The following RTL4 variants were observed in gnomAD, a reference collection of about 807,000 sequenced individuals.
The protein encoded by RTL4 is retrotransposon Gag like 4, also known as retrotransposon Gag-like protein 4.
In RTL4, 4 loss-of-function variants were observed where a neutral mutation model predicts 5.3. The ratio of observed to expected loss-of-function variants is 0.75; its 90% CI spans 0.37 to 1.72. The LOEUF is 1.72. RTL4 is among the 40% of genes most tolerant of loss of function. RTL4 has a pLI of 0.04. For synonymous variants in RTL4, 98 were observed against 87.3 expected (o/e 1.12, Z -0.68); for missense variants, 260 against 227.1 (o/e 1.14, Z -0.93).
chrX:112,228,671 A>G, the RTL4 span, among the ~76,000 whole-genome samples: 11 of 111,727 alleles, frequency 9.8e-5, no homozygotes, highest in Non-Finnish European at 1.5e-4. Flanking sequence ...GTATGCTTTG[A>G]TCAACATCTC....
At chrX:112,199,427 T>C in the RTL4 span, among the ~76,000 whole-genome samples, 4 of 111,093 alleles carry the variant, frequency 3.6e-5, no homozygotes, top group Non-Finnish European at 5.7e-5. Context: ...AAGGCACCAG[T>C]AAGGCCTTGA....
chrX:112,118,904 A>C, the RTL4 span, among the ~76,000 whole-genome samples: 1 of 111,094 alleles, frequency 9.0e-6, no homozygotes, highest in Non-Finnish European at 1.9e-5. Context: ...TTATTTTCCG[A>C]GATGGAGTCT....
chrX:112,412,071 G>A, the RTL4 span, among the ~76,000 whole-genome samples: 1 of 109,944 alleles, frequency 9.1e-6, no homozygotes, highest in African/African-American at 3.3e-5. Context: ...TGAACAATCT[G>A]AAAAAGAAAT....
chrX:112,222,573 GA>G, the RTL4 span, among the ~76,000 whole-genome samples: 413 of 102,549 alleles, frequency 4.0e-3, 1 homozygote, highest in African/African-American at 0.013. Context: ...ACTAAAAATT[GA>G]AAAAAAAAAA....
chrX:112,182,424 G>A, the RTL4 span, among the ~76,000 whole-genome samples: 2 of 111,812 alleles, frequency 1.8e-5, no homozygotes, highest in Admixed American at 9.5e-5. Context: ...ATGCAAGGAA[G>A]CTAAGAACCT....
chrX:112,208,332 A>T, the RTL4 span, among the ~76,000 whole-genome samples: 5 of 112,148 alleles, frequency 4.5e-5, no homozygotes, highest in African/African-American at 1.6e-4. Flanking sequence ...TTGATCTAAA[A>T]GGCCTCACCA....
At chrX:112,382,665 T>C in the RTL4 span, among the ~76,000 whole-genome samples, 1,292 of 112,468 alleles carry the variant, frequency 0.011, 20 homozygotes, top group African/African-American at 0.04. Flanking sequence ...TATCAGTTTA[T>C]CCTCATTCCT....
chrX:112,251,934 C>G, the RTL4 span, among the ~76,000 whole-genome samples: 13 of 111,731 alleles, frequency 1.2e-4, no homozygotes, highest in East Asian at 3.6e-3. Flanking sequence ...AACAATGTGT[C>G]TTTGAACCTT....
chrX:112,398,444 G>A, the RTL4 span, among the ~76,000 whole-genome samples: 1 of 87,860 alleles, frequency 1.1e-5, no homozygotes, highest in Non-Finnish European at 2.1e-5. Flanking sequence ...CTGTCGCCCA[G>A]GCTGGAGTGC....
the RTL4 span, among the ~76,000 whole-genome samples, chrX:112,410,166 G>A: frequency 5.4e-5 from 6 of 112,102 alleles, no homozygotes; most frequent in Non-Finnish European, 9.4e-5. Flanking sequence ...GGTCGATTCA[G>A]CAAGAGGATA....
At chrX:112,339,316 G>A in the RTL4 span, among the ~76,000 whole-genome samples, 28 of 111,780 alleles carry the variant, frequency 2.5e-4, no homozygotes, top group East Asian at 7.6e-3. Flanking sequence ...ATGAGGCATC[G>A]TTAATAATTA....
the RTL4 span, among the ~76,000 whole-genome samples, chrX:112,159,193 A>G: frequency 8.9e-6 from 1 of 112,306 alleles, no homozygotes; most frequent in Non-Finnish European, 1.9e-5. Context: ...ATTGATTGCA[A>G]TATCTTCTAA....
chrX:112,286,092 G>C, the RTL4 span, among the ~76,000 whole-genome samples: 1 of 111,486 alleles, frequency 9.0e-6, no homozygotes, highest in East Asian at 2.8e-4. Context: ...TGATGGGGAG[G>C]ATACTGTGTT....
chrX:112,187,490 T>C, the RTL4 span, among the ~76,000 whole-genome samples: 1 of 111,503 alleles, frequency 9.0e-6, no homozygotes, highest in African/African-American at 3.3e-5. Flanking sequence ...ATTCTGTGGT[T>C]GGATCTGGGC....
chrX:112,444,320 G>T, the RTL4 span, among the ~76,000 whole-genome samples: 2 of 111,709 alleles, frequency 1.8e-5, no homozygotes, highest in African/African-American at 6.5e-5. Flanking sequence ...TTTTATGCCA[G>T]TACCATGCTA....
chrX:112,133,947 G>T, the RTL4 span, among the ~76,000 whole-genome samples: 1 of 111,600 alleles, frequency 9.0e-6, no homozygotes, highest in Non-Finnish European at 1.9e-5. Flanking sequence ...CCTAATCCAT[G>T]CTAGAGCTAA....
the RTL4 span, among the ~76,000 whole-genome samples, chrX:112,272,381 C>T: frequency 3.6e-5 from 4 of 111,567 alleles, no homozygotes; most frequent in East Asian, 2.8e-4. Flanking sequence ...GATTTGTCTG[C>T]GCAGTGGATC....
the RTL4 span, among the ~76,000 whole-genome samples, chrX:112,252,467 CAG>C: frequency 8.9e-6 from 1 of 111,802 alleles, no homozygotes; most frequent in Non-Finnish European, 1.9e-5. Flanking sequence ...GAGAGAGAGA[CAG>C]AGATTGTGAG....
the RTL4 span, among the ~76,000 whole-genome samples, chrX:112,135,655 C>A: frequency 1.8e-5 from 2 of 110,322 alleles, no homozygotes; most frequent in African/African-American, 6.6e-5. Flanking sequence ...GGTTTACATT[C>A]ACATCTGTGA....
Sources: gnomAD v4.1 joint callset for allele counts (sites outside exome capture counted in the v4.1 genomes callset) on GRCh38, gnomAD v4.1.1 for gene constraint, MANE v1.5 for transcripts, NCBI Gene and HGNC (gene_info 2026-07-23, HGNC 2026-07-21) for gene names.